Variants in ZFYVE28 observed in about 807,000 individuals in gnomAD.
ZFYVE28 encodes zinc finger FYVE-type containing 28.
Under a neutral mutation model 82.1 loss-of-function variants are expected in ZFYVE28, and 40 were observed. The ratio of observed to expected loss-of-function variants is 0.49; its 90% CI spans 0.38 to 0.63. The LOEUF (loss-of-function observed/expected upper bound fraction) is 0.63, where lower values mean the gene tolerates loss of function less well. ZFYVE28 is among the 30% of genes least tolerant of loss of function. The pLI, the probability that ZFYVE28 is intolerant of heterozygous loss-of-function variation, is 0.00. For synonymous variants in ZFYVE28, 612 were observed against 546.1 expected (o/e 1.12, Z -1.68); for missense variants, 1,321 against 1,242.1 (o/e 1.06, Z -0.96).
intron 8 of ZFYVE28, among the ~76,000 whole-genome samples, chr4:2,290,766 T>C (rs1222452780): frequency 6.6e-6 from 1 of 151,960 alleles, no homozygotes; most frequent in Non-Finnish European, 1.5e-5. Context: ...GCTCCTTGCT[T>C]CCCCTATTAA....
chr4:2,399,300 C>T (rs1489721117), intron 1 of ZFYVE28, among the ~76,000 whole-genome samples: 1 of 152,142 alleles, frequency 6.6e-6, no homozygotes, highest in East Asian at 1.9e-4. Context: ...GCTGCACCAA[C>T]AGCCTGTCCG....
At chr4:2,287,642 C>T (rs1314070765) in intron 8 of ZFYVE28, 1 of 152,272 alleles carries the variant, frequency 6.6e-6, no homozygotes, top group Non-Finnish European at 1.5e-5. Flanking sequence ...GCAGACATCA[C>T]AGATTTCCAG....
Position 2,326,156 on chromosome 4 carries a change from C to T in ZFYVE28, c.702-5885G>A, listed in dbSNP as rs887444311. On this transcript the variant is annotated intron_variant, in intron 6 of 12. Transcript: ENST00000290974. ...CAGACTAATGTTGTGTAGTCTTTCC[C>T]CTATGTTTTCTTCTAGTAGTTTTAG... Among the ~76,000 whole-genome samples, 9 of 152,088 alleles carry T rather than the reference C, an allele frequency of 5.9e-5. No individual in the cohort carries two copies. The East Asian group carries it at 1.7e-3, about 29-fold the overall frequency.
intron 2 of ZFYVE28, chr4:2,343,131 A>G (rs1036606772): frequency 8.4e-4 from 128 of 152,244 alleles, no homozygotes; most frequent in African/African-American, 2.8e-3. Context: ...CTCCACCTCC[A>G]CGCAATGCTG....
At chr4:2,387,059 G>C (rs115894316) in intron 1 of ZFYVE28, among the ~76,000 whole-genome samples, 1 of 101,850 alleles carries the variant, frequency 9.8e-6, no homozygotes, top group Non-Finnish European at 1.9e-5. Context: ...AGGAGACTCC[G>C]GGGCCGGGGC....
At position 2,339,450 on chromosome 4, in the gene ZFYVE28, T is replaced by C; in HGVS notation, c.521+3A>G. 1 of 1,613,304 alleles carries C rather than the reference T, an allele frequency of 6.2e-7. No individual in the cohort carries two copies. ...CAGGGCTGTGGACCCACAGCTGCAGTACCTGAGCTCAAACTCTGCGAACAG... is the reference window on the plus strand; with the variant it reads ...CAGGGCTGTGGACCCACAGCTGCAGCACCTGAGCTCAAACTCTGCGAACAG... On this transcript the variant is annotated splice_donor_region_variant and intron_variant, in intron 4 of 12. Transcript: ENST00000290974. This position sits in a 1 kb window ranked among gnomAD's most constrained non-coding sequence, Gnocchi z 5.0.
intron 8 of ZFYVE28, among the ~76,000 whole-genome samples, chr4:2,281,134 A>G (rs1272336370): frequency 1.3e-5 from 2 of 152,068 alleles, no homozygotes; most frequent in Non-Finnish European, 2.9e-5. Context: ...GGGAGGGGGA[A>G]TGGGTGGACA....
Position 2,410,737 on chromosome 4 carries a change from C to T in ZFYVE28, c.39+7548G>A, listed in dbSNP as rs555500911. ...GTCTCAATCTCCTGACCTCGTGATCCGCCTGCCTCGACCTCCCAAAGTGCT... is the reference window on the plus strand; with the variant it reads ...GTCTCAATCTCCTGACCTCGTGATCTGCCTGCCTCGACCTCCCAAAGTGCT... On this transcript the variant is annotated intron_variant, in intron 1 of 12. Transcript: ENST00000290974. 5.3e-5 allele frequency among the ~76,000 whole-genome samples: 8 copies of T among 152,172 alleles called. No homozygotes were observed. In the South Asian group the frequency reaches 1.5e-3, roughly 28 times the overall value.
intron 1 of ZFYVE28, among the ~76,000 whole-genome samples, chr4:2,404,317 A>AAAAAC (rs1731558503): frequency 1.5e-5 from 1 of 65,084 alleles, no homozygotes; most frequent in Non-Finnish European, 3.1e-5. Flanking sequence ...CTCAAAAAAA[A>AAAAAC]AAAAAAAAAA....
rs1577833158 is a variant in ZFYVE28, at chr4:2,269,843, G to A, written c.*882C>T. On this transcript the variant is annotated 3_prime_UTR_variant, in exon 13 of 13. Coordinates refer to ENST00000290974, the MANE Select transcript of ZFYVE28 (RefSeq NM_020972.3). Reference sequence around the variant, plus strand: ...GTGAAGCCTGAGATTTAAGCCTGAGGAGGTGTCCGCTGGGGCCACTCAGCT... The same window carrying A: ...GTGAAGCCTGAGATTTAAGCCTGAGAAGGTGTCCGCTGGGGCCACTCAGCT... 1 of 152,274 alleles carries A rather than the reference G, an allele frequency of 6.6e-6. No homozygotes were observed. Among genetic ancestry groups the A allele is most frequent in the Non-Finnish European group, 1.5e-5 (1 of 68,038 alleles). 9.4% of individuals were successfully genotyped at this position (152,274 alleles called of 1,614,324 possible). A position where few individuals can be genotyped will look rare whatever the true frequency, so the allele number is the denominator to read the frequency against.
At chr4:2,352,924 G>A (rs1049741910) in intron 2 of ZFYVE28, among the ~76,000 whole-genome samples, 2 of 152,144 alleles carry the variant, frequency 1.3e-5, no homozygotes, top group Non-Finnish European at 2.9e-5. Context: ...CCTCTCCTCC[G>A]TGGCACTTTC....
At chr4:2,358,216 G>A (rs10029522) in intron 1 of ZFYVE28, among the ~76,000 whole-genome samples, 18,460 of 152,194 alleles carry the variant, frequency 0.12, 1,140 homozygotes, top group Admixed American at 0.13. Flanking sequence ...GAATCTGTGC[G>A]TTGTGCATAA....
chr4:2,302,344 TCA>T (rs1715686597), intron 8 of ZFYVE28, among the ~76,000 whole-genome samples: 1 of 152,104 alleles, frequency 6.6e-6, no homozygotes, highest in Non-Finnish European at 1.5e-5. Flanking sequence ...GAATCAGCTG[TCA>T]ATGGCAAGTT....
At chr4:2,283,100 T>TCATCCATCCATCCATCCATCCATCCATC (rs60881791) in intron 8 of ZFYVE28, among the ~76,000 whole-genome samples, 3 of 148,022 alleles carry the variant, frequency 2.0e-5, no homozygotes, top group South Asian at 2.1e-4. Context: ...CTTGTAAAAG[T>TCATCCATCCATCCATCCATCCATCCATC]CATCCATCCA....
At chr4:2,330,264 T>G (rs980002867) in intron 6 of ZFYVE28, 12 of 988,744 alleles carry the variant, frequency 1.2e-5, no homozygotes, top group Non-Finnish European at 1.4e-5. Flanking sequence ...CATAGGGTAA[T>G]GAATTTTATC....
intron 6 of ZFYVE28, among the ~76,000 whole-genome samples, chr4:2,321,791 C>T (rs1344728183): frequency 1.3e-5 from 2 of 152,146 alleles, no homozygotes; most frequent in Non-Finnish European, 2.9e-5. Flanking sequence ...CCGCAATGAC[C>T]TGTGTACCCA....
At chr4:2,277,605 T>G (rs1225267056) in intron 8 of ZFYVE28, among the ~76,000 whole-genome samples, 1 of 152,070 alleles carries the variant, frequency 6.6e-6, no homozygotes, top group Non-Finnish European at 1.5e-5. Context: ...ATAAAAAAGA[T>G]TAAAATACTT....
chr4:2,315,341 G>A (rs898071418), intron 7 of ZFYVE28, among the ~76,000 whole-genome samples: 9 of 152,138 alleles, frequency 5.9e-5, no homozygotes, highest in Middle Eastern at 3.4e-3. Flanking sequence ...GCTAGAAAGC[G>A]GTGGCGTGAT....
intron 8 of ZFYVE28, chr4:2,285,478 G>A (rs1712586127): frequency 6.6e-6 from 1 of 152,300 alleles, no homozygotes; most frequent in South Asian, 2.1e-4. Flanking sequence ...CAAGTAAGCT[G>A]ATTTCTTCTG....
Sources: allele counts gnomAD v4.1 joint callset (sites outside exome capture counted in the v4.1 genomes callset), GRCh38; gene constraint gnomAD v4.1.1; non-coding constraint Gnocchi (gnomAD v3.1); transcripts MANE v1.5; gene names NCBI Gene and HGNC (gene_info 2026-07-23, HGNC 2026-07-21).